TTN: variants seen among roughly 807,000 people sequenced by gnomAD.
The protein encoded by TTN is titin, also known as connectin.
TTN carries 1,525 observed loss-of-function variants against 3,223.0 expected under a neutral mutation model. The ratio of observed to expected loss-of-function variants is 0.47; its 90% CI spans 0.45 to 0.49. The LOEUF (loss-of-function observed/expected upper bound fraction) is 0.49. Among genes scored for constraint, TTN ranks in the 20% least tolerant of loss-of-function variants. TTN has a pLI of 0.00. For synonymous variants in TTN, 14,094 were observed against 15,161.0 expected (o/e 0.93, Z 5.17); for missense variants, 40,786 against 43,424.0 (o/e 0.94, Z 5.40).
Position 178,561,300 on chromosome 2 carries a change from A to C in TTN, c.84832T>G (p.Tyr28278Asp), listed in dbSNP as rs1336515508. ...SVSLKWSKPH[Y>D]DGGAKITGYI... Reference sequence around the variant, plus strand: ...CCTGTGATCTTAGCTCCACCATCATAATGTGGTTTAGACCATTTAAGTGAC... The same window carrying C: ...CCTGTGATCTTAGCTCCACCATCATCATGTGGTTTAGACCATTTAAGTGAC... The change falls in exon 326 of 363, where the codon TAT becomes GAT. Residue 28278 changes from tyrosine (Y) to aspartate (D), a missense_variant. Physicochemically the swap from Tyr to Asp is radical, Grantham distance 160 (BLOSUM62 -3). Coordinates refer to ENST00000589042, the MANE Select transcript of TTN (RefSeq NM_001267550.2). 2 of 1,613,684 alleles carry C rather than the reference A, an allele frequency of 1.2e-6. No individual in the cohort carries two copies. Among genetic ancestry groups the C allele is most frequent in the Non-Finnish European group, 1.7e-6 (2 of 1,179,814 alleles).
At chr2:178,649,783 C>T in intron 211 of TTN, 34 bp downstream of exon 211, 1 of 1,598,958 alleles carries the variant, frequency 6.3e-7, no homozygotes, top group South Asian at 1.1e-5. Flanking sequence ...TTGTAGACAC[C>T]ACAAAAATGA....
chr2:178,787,807 C>A (rs2093282267), intron 13 of TTN, among the ~76,000 whole-genome samples: 1 of 152,038 alleles, frequency 6.6e-6, no homozygotes, highest in Non-Finnish European at 1.5e-5. Flanking sequence ...TATACACACA[C>A]TTATTGGTGG....
chr2:178,725,448 G>A lies in TTN; in HGVS notation c.20756C>T (p.Pro6919Leu). The A allele has an allele frequency of 6.2e-7, 1 of 1,612,872 alleles. No homozygotes were observed. Among genetic ancestry groups the A allele is most frequent in the South Asian group, 1.1e-5 (1 of 90,888 alleles). ...VATLQFAKAE[P>L]ANAGKYICQI... ...GCAGATATACTTTCCAGCATTAGCT[G>A]GCTCTGCTTTTGCAAACTGTAGAGT... The change falls in exon 71 of 363, where the codon CCA becomes CTA. Residue 6919 changes from proline to leucine, a missense_variant. Pro to Leu is a moderately conservative substitution (Grantham distance 98). Transcript: ENST00000589042.
intron 6 of TTN, 81 bp downstream of exon 6, chr2:178,799,406 G>T: frequency 1.2e-6 from 2 of 1,606,400 alleles, no homozygotes; most frequent in Non-Finnish European, 1.7e-6. Flanking sequence ...CATGCCCTGC[G>T]AGGGGGACAA....
intron 357 of TTN, 22 bp downstream of exon 357, chr2:178,535,960 A>T: frequency 6.6e-7 from 1 of 1,523,190 alleles, no homozygotes; most frequent in South Asian, 1.3e-5. Context: ...CCTCAACTTG[A>T]TGATAATTTA....
rs375097334 is a variant in TTN at position 178,640,640 on chromosome 2, A to G, written c.40634-10T>C. 6.4e-7 allele frequency: 1 copy of G among 1,561,488 alleles called. No homozygotes were observed. The highest frequency in any genetic ancestry group is 8.6e-7 in the Non-Finnish European group (1 of 1,159,550). On this transcript the variant is annotated splice_polypyrimidine_tract_variant and intron_variant, in intron 220 of 362. Coordinates refer to ENST00000589042, the MANE Select transcript of TTN (RefSeq NM_001267550.2). ...GGTGGTGGTTCTGGTACTTTAAGAT[A>G]AGATTATTTTTTCAGTGTTAATATT...
chr2:178,780,905 C>T (rs1297394422), intron 21 of TTN, among the ~76,000 whole-genome samples: 1 of 152,130 alleles, frequency 6.6e-6, no homozygotes, highest in African/African-American at 2.4e-5. Context: ...ACAAATACAA[C>T]AAAAAGAAAC....
chr2:178,693,632 T>C lies in TTN; in HGVS notation c.31571A>G (p.Lys10524Arg). The change falls in exon 119 of 363, where the codon AAA (lysine) becomes AGA (arginine). Residue 10524 changes from lysine (K) to arginine (R), a missense_variant. By Grantham distance (26) the Lys-to-Arg change is conservative. Coordinates refer to ENST00000589042, the MANE Select transcript of TTN (RefSeq NM_001267550.2). ...ACCTTTAGGTGGTGGTTCAACCCTT[T>C]TGGAAATGGCAACGTGAATTTTCTC... ...TEEKIHVAIS[K>R]RVEPPPKVPE... 1 of 1,601,322 alleles carries C rather than the reference T, an allele frequency of 6.2e-7. No individual in the cohort carries two copies. Among genetic ancestry groups the C allele is most frequent in the Non-Finnish European group, 8.5e-7 (1 of 1,171,458 alleles).
chr2:178,723,519 A>G lies in TTN; in HGVS notation c.21581T>C (p.Leu7194Pro). 1 of 1,613,418 alleles carries G rather than the reference A, an allele frequency of 6.2e-7. No individual in the cohort carries two copies. The highest frequency in any genetic ancestry group is 1.1e-5 in the South Asian group (1 of 91,026). ...AGATATGTCAATATTAAATAATTCC[A>G]GTTCTGCCACAGTGTCTTCAAAATA... ...NIYFEDTVAE[L>P]ELFNIDISQS... Residue 7194 changes from leucine (L) to proline (P), a missense_variant, in exon 74 of 363, where the codon CTG (leucine) becomes CCG (proline). Transcript: ENST00000589042.
chr2:178,548,449 A>G lies in TTN; in HGVS notation c.93177T>C (p.Ser31059=). 1 of 1,613,884 alleles carries G rather than the reference A, an allele frequency of 6.2e-7. No homozygotes were observed. Among genetic ancestry groups the G allele is most frequent in the Non-Finnish European group, 8.5e-7 (1 of 1,179,816 alleles). ...CACTGATAACCTGCCAACTACGGCG[A>G]CTTGCCTCTCGTTTCTCTACCACAT... The part of the protein sequence containing the change: ...HHYVVEKREA[S]RRSWQVISEK... The change falls in exon 339 of 363, where the codon AGT becomes AGC. Residue 31059 remains serine (S), a synonymous_variant. Transcript: ENST00000589042. This position sits in a 1 kb window ranked among gnomAD's most constrained non-coding sequence, Gnocchi z 4.3.
Position 178,572,400 on chromosome 2 carries a change from A to G in TTN, c.73732T>C (p.Trp24578Arg), listed in dbSNP as rs1276766342. ...TVATNCHKTS[W>R]KVDQLQEGCS... is the part of the protein sequence containing the mutation. ...CCTTCTTGAAGCTGGTCTACCTTCC[A>G]GGAAGTCTTGTGGCAGTTTGTTGCA... Residue 24578 changes from tryptophan to arginine, a missense_variant, in exon 326 of 363, where the codon TGG (tryptophan) becomes CGG (arginine). Physicochemically the swap from Trp to Arg is moderately radical, Grantham distance 101 (BLOSUM62 -3). Transcript: ENST00000589042. 1.2e-6 allele frequency: 2 copies of G among 1,612,994 alleles called. No individual in the cohort carries two copies. The highest frequency in any genetic ancestry group is 1.7e-6 in the Non-Finnish European group (2 of 1,179,270).
Position 178,553,546 on chromosome 2 carries a change from TCTC to T in TTN, c.89456_89458del (p.Gly29819del). ...TACAGGTTCATTCATTTCTATAGGT[TCTC>T]CTTGTCCAGCACAGTTTACAGCAGA... On this transcript the variant is annotated inframe_deletion, in exon 334 of 363. Coordinates refer to ENST00000589042, the MANE Select transcript of TTN (RefSeq NM_001267550.2). The T allele has an allele frequency of 6.2e-7, 1 of 1,613,802 alleles. No homozygotes were observed. The highest frequency in any genetic ancestry group is 1.1e-5 in the South Asian group (1 of 91,058).
In TTN at chr2:178,733,220, AT is replaced by A; in HGVS notation, c.16054+18del. The A allele has an allele frequency of 6.4e-7, 1 of 1,566,184 alleles. No homozygotes were observed. Among genetic ancestry groups the A allele is most frequent in the East Asian group, 2.2e-5 (1 of 44,478 alleles). ...GGGTTTCAAATGCATATGTAGCATC[AT>A]TTTCTAAAAATACTAACCTAATACA... On this transcript the variant is annotated intron_variant, in intron 54 of 362. Coordinates refer to ENST00000589042, the MANE Select transcript of TTN (RefSeq NM_001267550.2).
intron 347 of TTN, 54 bp from the exon 348 acceptor site, chr2:178,543,003 G>A (rs952646843): frequency 2.6e-6 from 4 of 1,512,458 alleles, no homozygotes; most frequent in Non-Finnish European, 3.5e-6. Flanking sequence ...ATGGTAAATT[G>A]TTACGAATTC....
rs1326381229 is a variant in TTN at position 178,591,983 on chromosome 2, G to A, written c.59921C>T (p.Pro19974Leu). 5 of 1,611,686 alleles carry A rather than the reference G, an allele frequency of 3.1e-6. No homozygotes were observed. The South Asian group carries it at 4.4e-5, about 14-fold the overall frequency. The change falls in exon 302 of 363, where the codon CCT (proline) becomes CTT (leucine). Residue 19974 changes from proline to leucine, a missense_variant. Physicochemically the swap from Pro to Leu is moderately conservative, Grantham distance 98 (BLOSUM62 -3). Transcript: ENST00000589042. Reference protein sequence around the residue: ...ETPKPIKALDPLHPPGPPKDL... With the variant: ...ETPKPIKALDLLHPPGPPKDL... Reference sequence around the variant, plus strand: ...ATTCAGAGAAAGCAACTTACGGAGAGGATCCAAAGCCTTGATTGGTTTTGG... The same window carrying A: ...ATTCAGAGAAAGCAACTTACGGAGAAGATCCAAAGCCTTGATTGGTTTTGG...
At chr2:178,711,504 T>A (rs548323759) in intron 96 of TTN, among the ~76,000 whole-genome samples, 155 bp from the exon 97 acceptor site, 2 of 152,304 alleles carry the variant, frequency 1.3e-5, no homozygotes, top group South Asian at 2.1e-4. Flanking sequence ...GAAAAGCATA[T>A]AGATTTCTGG....
rs776863726 is a variant in TTN at position 178,635,460 on chromosome 2, G to T, written c.41864C>A (p.Pro13955His). ...TATACCTCCAAGTGTCAGCTTTGCA[G>T]GGTATCTTTTTCCTTCAATTTCCAC... is the stretch of plus-strand genomic sequence containing the variant. ...YAVEIEGKRY[P>H]AKLTLGEREV... The change falls in exon 227 of 363, where the codon CCT becomes CAT. Residue 13955 changes from proline (P) to histidine (H), a missense_variant. Physicochemically the swap from Pro to His is moderately conservative, Grantham distance 77 (BLOSUM62 -2). Coordinates refer to ENST00000589042, the MANE Select transcript of TTN (RefSeq NM_001267550.2). 33 of 1,607,322 alleles carry T rather than the reference G, an allele frequency of 2.1e-5. No individual in the cohort carries two copies. Among genetic ancestry groups the T allele is most frequent in the Non-Finnish European group, 2.8e-5 (33 of 1,176,788 alleles).
chr2:178,620,299 C>T lies in TTN; in HGVS notation c.46222G>A (p.Ala15408Thr), dbSNP rs730880239. ...CTGGAGAGCTGGCAGGAGAAGACAGCGTCATCGAACTCAGTGACTGTCTGA... is the reference window on the plus strand; with the variant it reads ...CTGGAGAGCTGGCAGGAGAAGACAGTGTCATCGAACTCAGTGACTGTCTGA... The part of the protein sequence containing the change: ...EDQTVTEFDD[A>T]VFSCQLSREK... Residue 15408 changes from alanine (A) to threonine (T), a missense_variant, in exon 248 of 363, where the codon GCT becomes ACT. Ala to Thr is a moderately conservative substitution (Grantham distance 58). Coordinates refer to ENST00000589042, the MANE Select transcript of TTN (RefSeq NM_001267550.2). 8.2e-5 allele frequency: 129 copies of T among 1,564,988 alleles called. No individual in the cohort carries two copies. Among genetic ancestry groups the T allele is most frequent in the Admixed American group, 9.1e-5 (5 of 54,844 alleles).
intron 43 of TTN, among the ~76,000 whole-genome samples, chr2:178,760,317 G>C (rs985538810): frequency 1.3e-5 from 2 of 152,138 alleles, no homozygotes; most frequent in Non-Finnish European, 2.9e-5. Flanking sequence ...AGATCACGAG[G>C]TCAGGAGTTC....
Sources: allele counts gnomAD v4.1 joint callset (sites outside exome capture counted in the v4.1 genomes callset), GRCh38; gene constraint gnomAD v4.1.1; non-coding constraint Gnocchi (gnomAD v3.1); transcripts MANE v1.5; gene names NCBI Gene and HGNC (gene_info 2026-07-23, HGNC 2026-07-21).